The following AFF4 variants were observed in gnomAD, a reference collection of about 807,000 sequenced individuals.
AFF4 encodes AF4/FMR2 family member 4.
AFF4 carries 13 observed loss-of-function variants against 124.8 expected under a neutral mutation model. The ratio of observed to expected loss-of-function variants is 0.10; its 90% CI spans 0.07 to 0.17. The LOEUF is 0.17. Ranked by LOEUF, AFF4 falls within the 10% of genes least tolerant of loss-of-function variation. The pLI, the probability that AFF4 is intolerant of heterozygous loss-of-function variation, is 1.00. For synonymous variants in AFF4, 477 were observed against 496.1 expected, an observed-to-expected ratio of 0.96 and a Z score of 0.51; for missense variants, 1,092 against 1,403.8, an observed-to-expected ratio of 0.78 and a Z score of 3.55.
intron 1 of AFF4, chr5:132,943,811 G>A (rs183677700): frequency 2.3e-4 from 58 of 254,696 alleles, no homozygotes; most frequent in African/African-American, 1.2e-3. Flanking sequence ...GTCCAAATCA[G>A]TGCTGGCTAT....
chr5:132,941,132 T>G (rs1053901942), intron 1 of AFF4, among the ~76,000 whole-genome samples: 8 of 152,208 alleles, frequency 5.3e-5, no homozygotes, highest in African/African-American at 1.7e-4. Context: ...CGATTTTTTT[T>G]GCCTCCTGTG....
In AFF4 at chr5:132,892,407, G is replaced by A; in HGVS notation, c.2397-3C>T. The A allele has an allele frequency of 1.9e-6, 3 of 1,606,430 alleles. No individual in the cohort carries two copies. Among genetic ancestry groups the A allele is most frequent in the Non-Finnish European group, 2.6e-6 (3 of 1,174,622 alleles). On this transcript the variant is annotated splice_region_variant and splice_polypyrimidine_tract_variant and intron_variant, in intron 12 of 20. Coordinates refer to ENST00000265343, the MANE Select transcript of AFF4 (RefSeq NM_014423.4). ...TTGCAGCACTCTGCTTAGATGACCT[G>A]CCAAACCAAACGAATGCCTTCATTT... is the stretch of plus-strand genomic sequence containing the variant.
At chr5:132,946,502 A>T (rs929240475) in intron 1 of AFF4, among the ~76,000 whole-genome samples, 4 of 152,250 alleles carry the variant, frequency 2.6e-5, no homozygotes, top group Non-Finnish European at 5.9e-5. Flanking sequence ...ATTTAGCCAT[A>T]AGGAATGAAA....
chr5:132,963,098 C>T (rs1257403012), intron 1 of AFF4, among the ~76,000 whole-genome samples, 161 bp downstream of exon 1: 2 of 152,064 alleles, frequency 1.3e-5, no homozygotes, highest in Non-Finnish European at 2.9e-5. Context: ...TGGGGTGGGA[C>T]GCGCAGATGA....
intron 5 of AFF4, among the ~76,000 whole-genome samples, chr5:132,919,881 G>T (rs973827104): frequency 1.3e-5 from 2 of 151,844 alleles, no homozygotes; most frequent in Admixed American, 6.6e-5. Flanking sequence ...ATAACTGAGA[G>T]CAGAGTCCCA....
intron 1 of AFF4, among the ~76,000 whole-genome samples, chr5:132,952,871 T>G (rs1257190382): frequency 6.6e-6 from 1 of 151,980 alleles, no homozygotes; most frequent in Non-Finnish European, 1.5e-5. Flanking sequence ...GCACTCTAGT[T>G]TAAGTGACGG....
intron 13 of AFF4, among the ~76,000 whole-genome samples, chr5:132,890,082 G>A (rs1760216137): frequency 6.6e-6 from 1 of 151,316 alleles, no homozygotes; most frequent in Non-Finnish European, 1.5e-5. Context: ...ATTTATTCCA[G>A]GAATGCATGG....
chr5:132,911,675 A>G (rs965977797), intron 5 of AFF4, among the ~76,000 whole-genome samples: 1 of 148,130 alleles, frequency 6.8e-6, no homozygotes, highest in African/African-American at 2.5e-5. Context: ...AGAAGAGGGT[A>G]AAAAAAAAAA....
At chr5:132,932,875 G>A (rs10900812) in intron 3 of AFF4, among the ~76,000 whole-genome samples, 17,546 of 152,156 alleles carry the variant, frequency 0.12, 1,286 homozygotes, top group South Asian at 0.2. Context: ...TGTTGTTTAA[G>A]GAAAGAACAA....
intron 5 of AFF4, among the ~76,000 whole-genome samples, chr5:132,916,342 T>C (rs1561493642): frequency 6.6e-6 from 1 of 151,462 alleles, no homozygotes; most frequent in Non-Finnish European, 1.5e-5. Flanking sequence ...ACAGGAGGAT[T>C]GCTTTAGCCC....
chr5:132,879,124 A>G lies in AFF4; in HGVS notation c.*1935T>C, dbSNP rs753102503. 5.0e-5 allele frequency: 11 copies of G among 220,666 alleles called. No homozygotes were observed. The highest frequency in any genetic ancestry group is 9.1e-5 in the Non-Finnish European group (10 of 110,272). The allele number at this position is 220,666 out of a possible 1,614,324, so 13.7% of individuals were successfully genotyped here. A position where few individuals can be genotyped will look rare whatever the true frequency, so the allele number is the denominator to read the frequency against. On this transcript the variant is annotated 3_prime_UTR_variant, in exon 21 of 21. Transcript: ENST00000265343. The stretch of plus-strand genomic sequence containing the variant: ...CTCCAAGAGAAACAGGTTAAATTCA[A>G]CATAATTTGTACATCTCAATCTTCA...
intron 1 of AFF4, among the ~76,000 whole-genome samples, chr5:132,956,461 T>C (rs1761959502): frequency 6.6e-6 from 1 of 151,690 alleles, no homozygotes; most frequent in Admixed American, 6.6e-5. Flanking sequence ...CAAAACCCCA[T>C]CTCTACTAAA....
Position 132,899,600 on chromosome 5 carries a change from C to T in AFF4, c.1175G>A (p.Ser392Asn). Residue 392 changes from serine to asparagine, a missense_variant, in exon 8 of 21, where the codon AGT becomes AAT. Ser to Asn is a conservative substitution (Grantham distance 46). Transcript: ENST00000265343. ...TAGTAGACACACCTGTTCCCCATCA[C>T]TGTCTTCACTGCTGCTTAGTTTTAA... ...DDLKLSSSED[S>N]DGEQDCDKTM... 1 of 1,612,304 alleles carries T rather than the reference C, an allele frequency of 6.2e-7. No individual in the cohort carries two copies. The highest frequency in any genetic ancestry group is 2.2e-5 in the East Asian group (1 of 44,724).
At chr5:132,912,779 A>G (rs1056375067) in intron 5 of AFF4, among the ~76,000 whole-genome samples, 4 of 152,192 alleles carry the variant, frequency 2.6e-5, no homozygotes, top group Admixed American at 2.0e-4. Flanking sequence ...AAATGCAAGT[A>G]TAATGACAAT....
chr5:132,896,564 C>T lies in AFF4; in HGVS notation c.2066G>A (p.Arg689Gln), dbSNP rs555696216. 5 of 1,613,780 alleles carry T rather than the reference C, an allele frequency of 3.1e-6. No individual in the cohort carries two copies. Among genetic ancestry groups the T allele is most frequent in the Middle Eastern group, 1.7e-4 (1 of 6,056 alleles). ...SSVEEEDSFF[R>Q]QRMFSPMEEK... is the part of the protein sequence containing the mutation. ...TTCCATAGGAGAGAACATTCGTTGC[C>T]GAAAAAAGCTATCTTCTTCCTCCAC... is the stretch of plus-strand genomic sequence containing the variant. Residue 689 changes from arginine to glutamine, a missense_variant, in exon 11 of 21, where the codon CGG becomes CAG. Arg to Gln is a conservative substitution (Grantham distance 43). Transcript: ENST00000265343.
At chr5:132,894,982 CA>C (rs897405981) in intron 11 of AFF4, among the ~76,000 whole-genome samples, 1 of 151,866 alleles carries the variant, frequency 6.6e-6, no homozygotes, top group African/African-American at 2.4e-5. Flanking sequence ...TAAAATCTTA[CA>C]AAAAAAGTAA....
At chr5:132,939,784 T>G (rs533287469) in intron 1 of AFF4, among the ~76,000 whole-genome samples, 2 of 152,200 alleles carry the variant, frequency 1.3e-5, no homozygotes, top group Non-Finnish European at 2.9e-5. Context: ...CTAATTTTTG[T>G]ATTTTTAGTA....
At chr5:132,919,457 C>T (rs565949426) in intron 5 of AFF4, among the ~76,000 whole-genome samples, 1 of 152,268 alleles carries the variant, frequency 6.6e-6, no homozygotes, top group East Asian at 1.9e-4. Context: ...TGGATATGTA[C>T]ATACAAGAGG....
At chr5:132,901,127 T>C in intron 7 of AFF4, 1 of 985,458 alleles carries the variant, frequency 1.0e-6, no homozygotes, top group Non-Finnish European at 1.2e-6. Context: ...CTACGACTGA[T>C]TTTCCTCTAA....
Sources: allele counts gnomAD v4.1 joint callset (sites outside exome capture counted in the v4.1 genomes callset), GRCh38; gene constraint gnomAD v4.1.1; transcripts MANE v1.5; gene names NCBI Gene and HGNC (gene_info 2026-07-23, HGNC 2026-07-21).